PRKG1: variants seen among roughly 807,000 people sequenced by gnomAD.
The protein encoded by PRKG1 is cGMP-dependent protein kinase 1.
Under a neutral mutation model 88.1 loss-of-function variants are expected in PRKG1, and 35 were observed. The observed-to-expected ratio is 0.40, with a 90% CI of 0.30 to 0.53. The LOEUF is 0.53. PRKG1 is among the 20% of genes least tolerant of loss of function. The probability of loss-of-function intolerance (pLI) is 0.59; values close to 1 mark genes in which losing one functional copy is unlikely to be tolerated. For missense variants in PRKG1, 540 were observed against 839.8 expected, an observed-to-expected ratio of 0.64 and a Z score of 4.41; for synonymous variants, 303 against 292.5, an observed-to-expected ratio of 1.04 and a Z score of -0.37.
At chr10:52,160,537 T>A (rs11817972) in intron 8 of PRKG1, among the ~76,000 whole-genome samples, 1 of 151,918 alleles carries the variant, frequency 6.6e-6, no homozygotes, top group African/African-American at 2.4e-5. Flanking sequence ...TACCATGCAC[T>A]CTAGATGAGC....
chr10:51,162,298 A>G (rs1165583908), intron 2 of PRKG1, among the ~76,000 whole-genome samples: 1 of 151,262 alleles, frequency 6.6e-6, no homozygotes, highest in Non-Finnish European at 1.5e-5. Flanking sequence ...GAATTCTCCC[A>G]TGTCTCCACA....
intron 2 of PRKG1, among the ~76,000 whole-genome samples, chr10:51,158,518 A>C (rs1432631900): frequency 1.3e-5 from 2 of 152,068 alleles, no homozygotes; most frequent in African/African-American, 4.8e-5. Flanking sequence ...CTTGAACAGC[A>C]ATAGTTCAAA....
intron 1 of PRKG1, among the ~76,000 whole-genome samples, chr10:51,113,743 A>AC (rs1554837274): frequency 7.6e-6 from 1 of 131,546 alleles, no homozygotes; most frequent in Non-Finnish European, 1.7e-5. Context: ...AAAAAAAAAA[A>AC]AAAAAACTAA....
chr10:51,236,704 C>T (rs912255925), intron 2 of PRKG1, among the ~76,000 whole-genome samples: 10 of 151,926 alleles, frequency 6.6e-5, no homozygotes, highest in Admixed American at 5.2e-4. Flanking sequence ...CGGGGTTTCA[C>T]CATATTGACC....
At chr10:52,222,559 G>A (rs1454036364) in intron 9 of PRKG1, among the ~76,000 whole-genome samples, 2 of 152,262 alleles carry the variant, frequency 1.3e-5, no homozygotes, top group South Asian at 2.1e-4. Context: ...GAGATGGATA[G>A]GTGAGAATCA....
intron 3 of PRKG1, chr10:51,698,130 C>T: frequency 6.2e-7 from 1 of 1,614,126 alleles, no homozygotes; most frequent in South Asian, 1.1e-5. Flanking sequence ...CCCTGAATTC[C>T]ACCAGTCATA....
At chr10:51,304,552 A>G (rs1212920386) in intron 2 of PRKG1, among the ~76,000 whole-genome samples, 2 of 151,410 alleles carry the variant, frequency 1.3e-5, no homozygotes, top group African/African-American at 4.8e-5. Context: ...TTACATATGT[A>G]TACATGTGCC....
chr10:51,964,284 G>A (rs896338688), intron 5 of PRKG1, among the ~76,000 whole-genome samples: 2 of 152,152 alleles, frequency 1.3e-5, no homozygotes, highest in Non-Finnish European at 2.9e-5. Flanking sequence ...AACGTGCATA[G>A]GTTCTGAGGA....
At chr10:51,484,675 C>A (rs1169522325) in intron 3 of PRKG1, among the ~76,000 whole-genome samples, 4 of 152,124 alleles carry the variant, frequency 2.6e-5, no homozygotes, top group Non-Finnish European at 5.9e-5. Flanking sequence ...TGAGACTCAC[C>A]ACTTAAGGCA....
intron 9 of PRKG1, among the ~76,000 whole-genome samples, chr10:52,247,060 A>C (rs1168177315): frequency 6.6e-6 from 1 of 152,020 alleles, no homozygotes; most frequent in Admixed American, 6.6e-5. Context: ...TGTGTTGTTA[A>C]CCTACTTTAT....
intron 1 of PRKG1, among the ~76,000 whole-genome samples, chr10:51,136,615 A>T (rs967958102): frequency 6.7e-6 from 1 of 149,450 alleles, no homozygotes; most frequent in African/African-American, 2.5e-5. Flanking sequence ...GAGAGAGAAG[A>T]GGAAGGGAGA....
At chr10:52,285,150 C>A (rs1242190747) in intron 14 of PRKG1, among the ~76,000 whole-genome samples, 1 of 151,882 alleles carries the variant, frequency 6.6e-6, no homozygotes, top group Non-Finnish European at 1.5e-5. Flanking sequence ...GCATACACAC[C>A]AACTCCTTTC....
chr10:51,500,507 C>T (rs1840993406), intron 3 of PRKG1, among the ~76,000 whole-genome samples: 1 of 152,166 alleles, frequency 6.6e-6, no homozygotes, highest in South Asian at 2.1e-4. Flanking sequence ...AGGTATCAGA[C>T]ATTAGATTGT....
chr10:52,134,992 T>C (rs959047657), intron 8 of PRKG1, among the ~76,000 whole-genome samples: 1 of 152,082 alleles, frequency 6.6e-6, no homozygotes, highest in Admixed American at 6.6e-5. Flanking sequence ...TTACTGAGAA[T>C]CTCCCATGTG....
At chr10:51,261,022 T>C (rs762724484) in intron 2 of PRKG1, among the ~76,000 whole-genome samples, 19 of 151,988 alleles carry the variant, frequency 1.3e-4, no homozygotes, top group Non-Finnish European at 2.5e-4. Context: ...GTGGCAAATG[T>C]TCCTCAGCAA....
At chr10:51,834,879 T>G (rs968938783) in intron 4 of PRKG1, among the ~76,000 whole-genome samples, 35 of 152,150 alleles carry the variant, frequency 2.3e-4, no homozygotes, top group Non-Finnish European at 4.1e-4. Context: ...AAAGGGTCAC[T>G]GAGTCTTGGG....
intron 10 of PRKG1, among the ~76,000 whole-genome samples, chr10:52,264,871 C>T (rs1031655453): frequency 1.3e-5 from 2 of 151,940 alleles, no homozygotes; most frequent in Non-Finnish European, 2.9e-5. Flanking sequence ...AACCCCCACC[C>T]CCGAAGAGAA....
At chr10:52,155,099 A>G (rs1351297412) in intron 8 of PRKG1, among the ~76,000 whole-genome samples, 3 of 152,126 alleles carry the variant, frequency 2.0e-5, no homozygotes, top group African/African-American at 4.8e-5. Flanking sequence ...GGTTACAAAC[A>G]TGCATGTGCA....
At chr10:51,084,559 C>T (rs996241412) in intron 1 of PRKG1, among the ~76,000 whole-genome samples, 3 of 152,146 alleles carry the variant, frequency 2.0e-5, no homozygotes, top group African/African-American at 7.2e-5. Context: ...ATTTAATTCA[C>T]TTCTACATAG....
Sources: gnomAD v4.1 joint callset for allele counts (sites outside exome capture counted in the v4.1 genomes callset) on GRCh38, gnomAD v4.1.1 for gene constraint, MANE v1.5 for transcripts, NCBI Gene and HGNC (gene_info 2026-07-23, HGNC 2026-07-21) for gene names.